The following DNAH12 variants were observed in gnomAD, a reference collection of about 807,000 sequenced individuals.
The protein encoded by DNAH12 is axonemal beta dynein heavy chain 12.
DNAH12 carries 285 observed loss-of-function variants against 371.5 expected under a neutral mutation model. The ratio of observed to expected loss-of-function variants is 0.77; its 90% confidence interval spans 0.70 to 0.85. DNAH12 has a LOEUF of 0.85. Ranked by LOEUF, DNAH12 falls within the 40% of genes least tolerant of loss-of-function variation. The pLI is 0.00. For synonymous variants in DNAH12, 1,200 were observed against 1,213.0 expected, an observed-to-expected ratio of 0.99 and a Z score of 0.22; for missense variants, 3,611 against 3,689.4, an observed-to-expected ratio of 0.98 and a Z score of 0.55.
intron 52 of DNAH12, among the ~76,000 whole-genome samples, chr3:57,378,833 G>T (rs951216403): frequency 3.3e-5 from 5 of 152,148 alleles, no homozygotes; most frequent in Admixed American, 6.6e-5. Flanking sequence ...TCCCCTTGAT[G>T]TTTTAGATTT....
chr3:57,343,009 T>C (rs1237226104), intron 60 of DNAH12, among the ~76,000 whole-genome samples: 5 of 151,606 alleles, frequency 3.3e-5, no homozygotes, highest in Admixed American at 6.6e-5. Flanking sequence ...CAGGTGGAGG[T>C]TGCAGTGAGC....
intron 43 of DNAH12, among the ~76,000 whole-genome samples, chr3:57,400,653 T>G (rs2063838079): frequency 6.6e-6 from 1 of 152,224 alleles, no homozygotes; most frequent in African/African-American, 2.4e-5. Flanking sequence ...ATGTGGTCCC[T>G]TTCACTCTCA....
chr3:57,499,470 T>C (rs1250076288), intron 11 of DNAH12, among the ~76,000 whole-genome samples: 1 of 150,114 alleles, frequency 6.7e-6, no homozygotes, highest in Non-Finnish European at 1.5e-5. Context: ...TCCTAGAATG[T>C]AGGTGGTATG....
rs144347393 is a variant in DNAH12, at chr3:57,456,425, T to C, written c.3336+1296A>G. The stretch of plus-strand genomic sequence containing the variant: ...TATTCTACTACTTTACAACTGCTCA[T>C]TTGTGGTCCTAAAGGCAGAAATATA... On this transcript the variant is annotated intron_variant, in intron 22 of 73. Coordinates refer to ENST00000495027, the MANE Select transcript of DNAH12 (RefSeq NM_001366028.2). Among the ~76,000 whole-genome samples the C allele has an allele frequency of 3.2e-4, 48 of 152,324 alleles. No homozygotes were observed. In the East Asian group the frequency reaches 8.9e-3, roughly 28 times the overall value.
chr3:57,386,097 C>A (rs1248667234), intron 47 of DNAH12, among the ~76,000 whole-genome samples: 2 of 152,008 alleles, frequency 1.3e-5, no homozygotes, highest in Admixed American at 1.3e-4. Context: ...ATTAAAAAAA[C>A]CACAAATCTT....
chr3:57,468,183 C>T (rs934954791), intron 17 of DNAH12, among the ~76,000 whole-genome samples: 3 of 152,030 alleles, frequency 2.0e-5, no homozygotes, highest in Non-Finnish European at 4.4e-5. Flanking sequence ...TTCATTTGGC[C>T]ATACTCCTTT....
intron 50 of DNAH12, among the ~76,000 whole-genome samples, chr3:57,380,967 T>C (rs1398261410): frequency 6.6e-6 from 1 of 152,218 alleles, no homozygotes; most frequent in Non-Finnish European, 1.5e-5. Context: ...CACAATTTCA[T>C]ATAAGAAAAT....
chr3:57,357,519 A>G (rs1423577643), intron 58 of DNAH12, among the ~76,000 whole-genome samples, 171 bp from the exon 59 acceptor site: 1 of 152,194 alleles, frequency 6.6e-6, no homozygotes, highest in African/African-American at 2.4e-5. Flanking sequence ...AGAAATAAAG[A>G]AAACAAAAGG....
In DNAH12 at chr3:57,483,454, T is replaced by C. The variant is rs1393664184; in HGVS notation, c.1572A>G (p.Thr524=). 5.2e-6 allele frequency: 8 copies of C among 1,551,546 alleles called. No homozygotes were observed. The highest frequency in any genetic ancestry group is 2.4e-5 in the South Asian group (2 of 84,018). ...KEHALKVPET[T]EEMMDLISYV... ...AAGATATCAGATCCATCATCTCTTCTGTTGTTTCAGGGACTTTTAATGCAT... is the reference window on the plus strand; with the variant it reads ...AAGATATCAGATCCATCATCTCTTCCGTTGTTTCAGGGACTTTTAATGCAT... The change falls in exon 13 of 74, where the codon ACA becomes ACG. Residue 524 remains threonine (T), a synonymous_variant. Coordinates refer to ENST00000495027, the MANE Select transcript of DNAH12 (RefSeq NM_001366028.2).
intron 29 of DNAH12, among the ~76,000 whole-genome samples, chr3:57,439,280 G>A (rs1461914425): frequency 6.6e-6 from 1 of 152,108 alleles, no homozygotes; most frequent in Non-Finnish European, 1.5e-5. Context: ...CAAAGCCAGA[G>A]GAATCACATT....
At chr3:57,475,284 A>G (rs2153381654) in intron 13 of DNAH12, among the ~76,000 whole-genome samples, 1 of 152,314 alleles carries the variant, frequency 6.6e-6, no homozygotes, top group African/African-American at 2.4e-5. Flanking sequence ...ATTTAACTGC[A>G]CTAAAATTAA....
At chr3:57,481,453 C>T (rs2066739249) in intron 13 of DNAH12, among the ~76,000 whole-genome samples, 1 of 152,050 alleles carries the variant, frequency 6.6e-6, no homozygotes, top group South Asian at 2.1e-4. Context: ...ATTCCATGCT[C>T]ATGGGTAGGA....
chr3:57,300,489 A>G (rs1465189493), intron 70 of DNAH12, among the ~76,000 whole-genome samples: 2 of 152,168 alleles, frequency 1.3e-5, no homozygotes, highest in African/African-American at 4.8e-5. Flanking sequence ...AATAAATAAT[A>G]CAAAAGAAAA....
At chr3:57,506,304 G>A (rs938895579) in intron 8 of DNAH12, among the ~76,000 whole-genome samples, 2 of 152,126 alleles carry the variant, frequency 1.3e-5, no homozygotes, top group African/African-American at 4.8e-5. Context: ...CAAGAATTTT[G>A]TGAGCCAGTT....
chr3:57,450,256 A>AAAAAAAAAG (rs1394484711), intron 25 of DNAH12, among the ~76,000 whole-genome samples: 1 of 148,694 alleles, frequency 6.7e-6, no homozygotes, highest in Non-Finnish European at 1.5e-5. Context: ...AATTTAAAAA[A>AAAAAAAAAG]AAAAAAAGGT....
chr3:57,418,292 C>T (rs2064446067), intron 37 of DNAH12, among the ~76,000 whole-genome samples: 2 of 142,396 alleles, frequency 1.4e-5, no homozygotes, highest in Non-Finnish European at 3.0e-5. Context: ...GTAATCCTAG[C>T]ACTTTGAGAG....
Position 57,411,554 on chromosome 3 carries a change from AAG to A in DNAH12, c.6020+2190_6020+2191del, listed in dbSNP as rs1437677264. On this transcript the variant is annotated intron_variant, in intron 39 of 73. Coordinates refer to ENST00000495027, the MANE Select transcript of DNAH12 (RefSeq NM_001366028.2). The stretch of plus-strand genomic sequence containing the variant: ...AAAAAAAAAAAAAAAAAAAAAAAAA[AAG>A]AAAGAAAGAAAAGTACAACACCATT... 9.7e-3 allele frequency among the ~76,000 whole-genome samples: 481 copies of A among 49,728 alleles called. 6 individuals are homozygous for A. The highest frequency in any genetic ancestry group is 0.013 in the Non-Finnish European group (372 of 28,102). 32.6% of individuals were successfully genotyped at this position (49,728 alleles called of 152,430 possible).
intron 35 of DNAH12, among the ~76,000 whole-genome samples, chr3:57,423,665 C>CT (rs925303358): frequency 2.6e-5 from 4 of 152,120 alleles, no homozygotes; most frequent in Admixed American, 6.6e-5. Context: ...GAAAAAGACA[C>CT]TAAAAACCTC....
intron 69 of DNAH12, among the ~76,000 whole-genome samples, chr3:57,306,095 T>G (rs1273397448): frequency 6.6e-6 from 1 of 152,158 alleles, no homozygotes; most frequent in Admixed American, 6.6e-5. Flanking sequence ...CCCCTGGAAC[T>G]CTGGCCCAAG....
Sources: gnomAD v4.1 joint callset for allele counts (sites outside exome capture counted in the v4.1 genomes callset) on GRCh38, gnomAD v4.1.1 for gene constraint, MANE v1.5 for transcripts, NCBI Gene and HGNC (gene_info 2026-07-23, HGNC 2026-07-21) for gene names.